The following LIMA1 variants were observed in gnomAD, a reference collection of about 807,000 sequenced individuals.
LIMA1 encodes LIM domain and actin binding 1.
Under a neutral mutation model 62.6 loss-of-function variants are expected in LIMA1, and 52 were observed. The ratio of observed to expected loss-of-function variants is 0.83; its 90% CI spans 0.67 to 1.05. The LOEUF (loss-of-function observed/expected upper bound fraction) is 1.05, where lower values mean the gene tolerates loss of function less well. LIMA1 is among the 50% of genes least tolerant of loss of function. The probability of loss-of-function intolerance (pLI) is 0.00; values close to 1 mark genes in which losing one functional copy is unlikely to be tolerated. For synonymous variants in LIMA1, 302 were observed against 317.8 expected (o/e 0.95, Z 0.53); for missense variants, 780 against 902.2 (o/e 0.86, Z 1.74).
At chr12:50,235,982 T>A (rs1436637363) in intron 2 of LIMA1, among the ~76,000 whole-genome samples, 1 of 152,050 alleles carries the variant, frequency 6.6e-6, no homozygotes, top group East Asian at 1.9e-4. Flanking sequence ...CCCGCCAACC[T>A]GGCAAAACCC....
intron 1 of LIMA1, among the ~76,000 whole-genome samples, chr12:50,270,949 G>T (rs1051439586): frequency 6.6e-6 from 1 of 151,984 alleles, no homozygotes; most frequent in African/African-American, 2.4e-5. Flanking sequence ...AAAATTAGCC[G>T]GGCGTGGTGG....
intron 1 of LIMA1, among the ~76,000 whole-genome samples, chr12:50,263,815 CTA>C (rs1299778798): frequency 2.1e-5 from 2 of 95,684 alleles, no homozygotes; most frequent in Admixed American, 1.3e-4. Flanking sequence ...GTGTGTGTGT[CTA>C]TATATATATA....
chr12:50,195,434 C>T (rs1940907356), intron 8 of LIMA1, among the ~76,000 whole-genome samples: 1 of 152,132 alleles, frequency 6.6e-6, no homozygotes, highest in African/African-American at 2.4e-5. Context: ...GTATCTTTAA[C>T]AGATTATTCA....
At chr12:50,260,717 G>C (rs191011848) in intron 1 of LIMA1, among the ~76,000 whole-genome samples, 1 of 152,036 alleles carries the variant, frequency 6.6e-6, no homozygotes, top group Non-Finnish European at 1.5e-5. Flanking sequence ...TAACTGTGGT[G>C]ACATGTGCAA....
intron 1 of LIMA1, among the ~76,000 whole-genome samples, chr12:50,257,288 G>A (rs2138662641): frequency 6.6e-6 from 1 of 152,220 alleles, no homozygotes; most frequent in Middle Eastern, 3.4e-3. Flanking sequence ...ACATAGAGAT[G>A]AAGTCTCCCT....
At chr12:50,232,516 C>T (rs1278664900) in intron 2 of LIMA1, among the ~76,000 whole-genome samples, 1 of 151,994 alleles carries the variant, frequency 6.6e-6, no homozygotes, top group Non-Finnish European at 1.5e-5. Flanking sequence ...ACCACAGATG[C>T]ACACCACCAC....
chr12:50,282,851 C>T (rs1014389861), intron 1 of LIMA1, among the ~76,000 whole-genome samples: 1 of 152,176 alleles, frequency 6.6e-6, no homozygotes, highest in African/African-American at 2.4e-5. Context: ...AATTACCTTA[C>T]ATTAACACCA....
chr12:50,222,289 T>C lies in LIMA1; in HGVS notation c.362A>G (p.Glu121Gly). 3 of 1,614,160 alleles carry C rather than the reference T, an allele frequency of 1.9e-6. No homozygotes were observed. Among genetic ancestry groups the C allele is most frequent in the Non-Finnish European group, 1.7e-6 (2 of 1,180,030 alleles). Residue 121 changes from glutamate to glycine, a missense_variant, in exon 4 of 11, where the codon GAA becomes GGA. By Grantham distance (98) the Glu-to-Gly change is moderately conservative. Coordinates refer to ENST00000341247, the MANE Select transcript of LIMA1 (RefSeq NM_016357.5). ...HAASGAKADQ[E>G]EQIHPRSRLR... is the part of the protein sequence containing the mutation. ...TCTAGATCTGGGGTGGATTTGTTCT[T>C]CTTGGTCAGCTTTGGCTCCAGAAGC...
At chr12:50,268,470 A>T (rs1942166329) in intron 1 of LIMA1, among the ~76,000 whole-genome samples, 1 of 152,176 alleles carries the variant, frequency 6.6e-6, no homozygotes, top group South Asian at 2.1e-4. Flanking sequence ...ATCAGGTACA[A>T]GTTTGAACCC....
At chr12:50,178,738 G>C (rs1295623149) in intron 10 of LIMA1, among the ~76,000 whole-genome samples, 6 of 151,844 alleles carry the variant, frequency 4.0e-5, no homozygotes, top group Middle Eastern at 3.4e-3. Flanking sequence ...ATCTTCCTTG[G>C]AATGTACCAA....
chr12:50,237,432 T>A (rs1432665902), intron 2 of LIMA1, among the ~76,000 whole-genome samples: 1 of 151,884 alleles, frequency 6.6e-6, no homozygotes, highest in Non-Finnish European at 1.5e-5. Flanking sequence ...AGGTCAGGAG[T>A]TTAAGGCCAG....
At chr12:50,183,704 G>A (rs563779395) in intron 9 of LIMA1, among the ~76,000 whole-genome samples, 4 of 151,328 alleles carry the variant, frequency 2.6e-5, no homozygotes, top group South Asian at 4.2e-4. Flanking sequence ...CCAGCTACTC[G>A]GGAGGCTGAG....
At chr12:50,200,635 G>T in intron 7 of LIMA1, 142 bp downstream of exon 7, 1 of 873,514 alleles carries the variant, frequency 1.1e-6, no homozygotes, top group Non-Finnish European at 1.8e-6. Context: ...TATGTGACCT[G>T]CAAAAATGGC....
At chr12:50,211,310 C>T (rs1323658052) in intron 4 of LIMA1, among the ~76,000 whole-genome samples, 17 of 133,658 alleles carry the variant, frequency 1.3e-4, no homozygotes, top group African/African-American at 2.9e-4. Flanking sequence ...GCAACAAGAG[C>T]GAAACTCCGC....
At chr12:50,234,360 C>T (rs551811162) in intron 2 of LIMA1, 126 of 288,358 alleles carry the variant, frequency 4.4e-4, no homozygotes, top group African/African-American at 2.5e-3. Flanking sequence ...AGGCATGCCC[C>T]ACCACACCTG....
rs751024100 is a variant in LIMA1, at chr12:50,200,895, A to C, written c.865-11T>G. On this transcript the variant is annotated splice_polypyrimidine_tract_variant and intron_variant, in intron 6 of 10. Coordinates refer to ENST00000341247, the MANE Select transcript of LIMA1 (RefSeq NM_016357.5). Reference sequence around the variant, plus strand: ...GGCTTTCAGCTCATTCTACAAAATAAAAATAACTGTAAAAATTTTTTTAAA... The same window carrying C: ...GGCTTTCAGCTCATTCTACAAAATACAAATAACTGTAAAAATTTTTTTAAA... The C allele has an allele frequency of 4.3e-6, 7 of 1,610,638 alleles. No homozygotes were observed. In the South Asian group the frequency reaches 5.5e-5, roughly 13 times the overall value.
At chr12:50,229,501 T>C (rs1041725118) in intron 3 of LIMA1, among the ~76,000 whole-genome samples, 1 of 151,992 alleles carries the variant, frequency 6.6e-6, no homozygotes, top group Non-Finnish European at 1.5e-5. Flanking sequence ...ATGAGAACAC[T>C]TGGACACAGG....
At chr12:50,193,608 GTA>G (rs1565833341) in intron 8 of LIMA1, among the ~76,000 whole-genome samples, 1 of 118,838 alleles carries the variant, frequency 8.4e-6, no homozygotes, top group Non-Finnish European at 1.7e-5. Flanking sequence ...ATATATACAT[GTA>G]TATATATATA....
At chr12:50,221,116 TA>T in intron 4 of LIMA1, among the ~76,000 whole-genome samples, 1 of 152,188 alleles carries the variant, frequency 6.6e-6, no homozygotes, top group East Asian at 1.9e-4. Context: ...TTTCCAAACA[TA>T]GGGACTTGGG....
Sources: gnomAD v4.1 joint callset for allele counts (sites outside exome capture counted in the v4.1 genomes callset) on GRCh38, gnomAD v4.1.1 for gene constraint, MANE v1.5 for transcripts, NCBI Gene and HGNC (gene_info 2026-07-23, HGNC 2026-07-21) for gene names.